The following SYT1 variants were observed in gnomAD, a reference collection of about 807,000 sequenced individuals.
The protein encoded by SYT1 is synaptotagmin-1.
A neutral mutation model predicts 44.8 loss-of-function variants in SYT1; 8 were observed. The ratio of observed to expected loss-of-function variants is 0.18; its 90% CI spans 0.10 to 0.32. The LOEUF (loss-of-function observed/expected upper bound fraction) is 0.32, where lower values mean the gene tolerates loss of function less well. Ranked by LOEUF, SYT1 falls within the 10% of genes least tolerant of loss-of-function variation. The pLI, the probability that SYT1 is intolerant of heterozygous loss-of-function variation, is 1.00. For synonymous variants in SYT1, 154 were observed against 188.8 expected (o/e 0.82, Z 1.51); for missense variants, 286 against 509.3 (o/e 0.56, Z 4.22).
chr12:79,265,188 A>G (rs1878056919), intron 4 of SYT1, among the ~76,000 whole-genome samples: 1 of 152,114 alleles, frequency 6.6e-6, no homozygotes, highest in African/African-American at 2.4e-5. Context: ...TTATAAATCT[A>G]TATATTATCA....
At chr12:78,987,873 A>G (rs1328551335) in intron 2 of SYT1, among the ~76,000 whole-genome samples, 1 of 152,090 alleles carries the variant, frequency 6.6e-6, no homozygotes, top group African/African-American at 2.4e-5. Context: ...GACAAAGGTA[A>G]TACAAGAAAA....
At chr12:79,414,151 G>C (rs1868595254) in intron 9 of SYT1, among the ~76,000 whole-genome samples, 1 of 152,174 alleles carries the variant, frequency 6.6e-6, no homozygotes, top group South Asian at 2.1e-4. Flanking sequence ...AAGCTATTTA[G>C]AGTCAAGCAT....
intron 4 of SYT1, among the ~76,000 whole-genome samples, chr12:79,234,615 T>C (rs931804441): frequency 3.9e-5 from 6 of 152,234 alleles, no homozygotes; most frequent in South Asian, 2.1e-4. Flanking sequence ...TAGCATTTCA[T>C]TGAATGGATA....
chr12:79,293,858 G>A (rs896502983), intron 6 of SYT1, among the ~76,000 whole-genome samples: 3 of 152,096 alleles, frequency 2.0e-5, no homozygotes, highest in Non-Finnish European at 1.5e-5. Context: ...ACAGGTTCAG[G>A]TTTGTAGTTA....
chr12:79,188,507 CT>C (rs1474279758), intron 3 of SYT1, among the ~76,000 whole-genome samples: 1 of 152,026 alleles, frequency 6.6e-6, no homozygotes, highest in Non-Finnish European at 1.5e-5. Flanking sequence ...TCTTGACTTC[CT>C]TTATCTTTAT....
intron 3 of SYT1, among the ~76,000 whole-genome samples, chr12:79,118,469 A>T (rs1315843917): frequency 6.6e-6 from 1 of 152,222 alleles, no homozygotes; most frequent in East Asian, 1.9e-4. Flanking sequence ...TCTTGTGCTA[A>T]TCTTGATGTA....
intron 1 of SYT1, among the ~76,000 whole-genome samples, chr12:78,923,396 T>C (rs556784737): frequency 5.8e-4 from 88 of 152,042 alleles, no homozygotes; most frequent in African/African-American, 2.1e-3. Context: ...CACTCTCCCA[T>C]AGCTGTAGGC....
At chr12:79,266,295 A>C (rs1878122094) in intron 4 of SYT1, among the ~76,000 whole-genome samples, 1 of 152,196 alleles carries the variant, frequency 6.6e-6, no homozygotes, top group Admixed American at 6.5e-5. Context: ...TGATAATACA[A>C]AACAAAAGGA....
At chr12:79,127,926 A>G (rs976599224) in intron 3 of SYT1, among the ~76,000 whole-genome samples, 3 of 152,230 alleles carry the variant, frequency 2.0e-5, no homozygotes, top group African/African-American at 4.8e-5. Flanking sequence ...AAAAAAGATC[A>G]TAGATAGATA....
intron 3 of SYT1, among the ~76,000 whole-genome samples, chr12:79,142,558 AG>A (rs1184420628): frequency 6.6e-6 from 1 of 152,224 alleles, no homozygotes; most frequent in East Asian, 1.9e-4. Flanking sequence ...TCACATGCCA[AG>A]AAACCATCCC....
At chr12:79,395,510 T>C (rs994496066) in intron 9 of SYT1, among the ~76,000 whole-genome samples, 2 of 152,162 alleles carry the variant, frequency 1.3e-5, no homozygotes, top group African/African-American at 4.8e-5. Context: ...TGAGCCACCA[T>C]GCCTAGCCCC....
intron 1 of SYT1, among the ~76,000 whole-genome samples, chr12:78,935,480 A>G (rs1878000098): frequency 6.6e-6 from 1 of 152,204 alleles, no homozygotes; most frequent in Admixed American, 6.5e-5. Context: ...ACTAAGTTAT[A>G]GAACAGAACA....
At chr12:79,433,107 T>C (rs1869895401) in intron 9 of SYT1, among the ~76,000 whole-genome samples, 1 of 152,224 alleles carries the variant, frequency 6.6e-6, no homozygotes, top group Non-Finnish European at 1.5e-5. Context: ...ATCCTAAGAT[T>C]ATCTCAGTCC....
intron 3 of SYT1, among the ~76,000 whole-genome samples, chr12:79,170,922 A>G (rs1008590955): frequency 1.3e-5 from 2 of 152,030 alleles, no homozygotes; most frequent in Admixed American, 1.3e-4. Flanking sequence ...CTAGCCAATT[A>G]TCCCAGCACC....
At chr12:78,941,361 C>T (rs1309443604) in intron 1 of SYT1, among the ~76,000 whole-genome samples, 1 of 150,478 alleles carries the variant, frequency 6.6e-6, no homozygotes, top group African/African-American at 2.4e-5. Flanking sequence ...CGTGAGTCAC[C>T]GCACCCAGCC....
chr12:79,164,680 G>A (rs1405480665), intron 3 of SYT1, among the ~76,000 whole-genome samples: 1 of 152,004 alleles, frequency 6.6e-6, no homozygotes, highest in Non-Finnish European at 1.5e-5. Flanking sequence ...AGTTTCTCAA[G>A]AGAGAGGCTG....
At chr12:79,245,128 T>G (rs1876745973) in intron 4 of SYT1, among the ~76,000 whole-genome samples, 1 of 152,114 alleles carries the variant, frequency 6.6e-6, no homozygotes, top group Non-Finnish European at 1.5e-5. Context: ...GCTTGAAAAC[T>G]CAAACATAAA....
At chr12:79,432,774 C>G (rs146690608) in intron 9 of SYT1, among the ~76,000 whole-genome samples, 3 of 152,006 alleles carry the variant, frequency 2.0e-5, no homozygotes, top group Non-Finnish European at 4.4e-5. Context: ...CAACCACACC[C>G]GGCTAATTTT....
chr12:79,347,047 T>A (rs1275417129), intron 8 of SYT1, among the ~76,000 whole-genome samples: 1 of 148,734 alleles, frequency 6.7e-6, no homozygotes. Flanking sequence ...TTTTCTTTTT[T>A]TTTTTTTTTT....
Sources: gnomAD v4.1 joint callset for allele counts (sites outside exome capture counted in the v4.1 genomes callset) on GRCh38, gnomAD v4.1.1 for gene constraint, MANE v1.5 for transcripts, NCBI Gene and HGNC (gene_info 2026-07-23, HGNC 2026-07-21) for gene names.